Variants in EDIL3 observed in about 807,000 individuals in gnomAD.
EDIL3 encodes EGF-like repeat and discoidin I-like domain-containing protein 3.
In EDIL3, 37 loss-of-function variants were observed where a neutral mutation model predicts 67.4. The observed-to-expected ratio is 0.55, with a 90% CI of 0.42 to 0.72. The LOEUF is 0.72. Among genes scored for constraint, EDIL3 ranks in the 30% least tolerant of loss-of-function variants. The pLI, the probability that EDIL3 is intolerant of heterozygous loss-of-function variation, is 0.00. For synonymous variants in EDIL3, 195 were observed against 196.3 expected (o/e 0.99, Z 0.05); for missense variants, 527 against 586.3 (o/e 0.90, Z 1.04).
intron 4 of EDIL3, among the ~76,000 whole-genome samples, chr5:84,178,110 T>A (rs935575241): frequency 1.3e-5 from 2 of 152,192 alleles, no homozygotes; most frequent in Non-Finnish European, 2.9e-5. Flanking sequence ...TTTGCCTATA[T>A]TTATTATTAT....
chr5:84,217,872 G>A (rs1337143174), intron 3 of EDIL3, among the ~76,000 whole-genome samples: 10 of 151,572 alleles, frequency 6.6e-5, no homozygotes, highest in East Asian at 1.9e-4. Flanking sequence ...TTTAATAACC[G>A]TATTTTTATT....
At chr5:84,283,217 T>TA (rs1745739502) in intron 1 of EDIL3, among the ~76,000 whole-genome samples, 1 of 152,248 alleles carries the variant, frequency 6.6e-6, no homozygotes, top group African/African-American at 2.4e-5. Flanking sequence ...TGCCATCCCA[T>TA]ATTGGTATTT....
intron 9 of EDIL3, among the ~76,000 whole-genome samples, chr5:84,050,874 T>G (rs1580299968): frequency 1.3e-5 from 2 of 152,280 alleles, no homozygotes; most frequent in South Asian, 4.1e-4. Context: ...CTCTGTAGAC[T>G]CCACCTCTGG....
chr5:84,272,081 A>T (rs2112097459), intron 1 of EDIL3, among the ~76,000 whole-genome samples: 1 of 152,336 alleles, frequency 6.6e-6, no homozygotes, highest in South Asian at 2.1e-4. Flanking sequence ...ATATGCAATA[A>T]CAACGCTCAC....
At chr5:84,055,340 A>G (rs1277613508) in intron 9 of EDIL3, among the ~76,000 whole-genome samples, 2 of 146,802 alleles carry the variant, frequency 1.4e-5, no homozygotes, top group African/African-American at 2.7e-5. Context: ...TGTTAGACCT[A>G]AAACCATAAA....
chr5:84,260,465 T>C (rs1745205848), intron 1 of EDIL3, among the ~76,000 whole-genome samples: 1 of 152,206 alleles, frequency 6.6e-6, no homozygotes, highest in African/African-American at 2.4e-5. Context: ...GATTGATAAT[T>C]TAAAGCCCAA....
chr5:84,289,272 CCAATAA>C (rs1745869079), intron 1 of EDIL3, among the ~76,000 whole-genome samples: 1 of 151,958 alleles, frequency 6.6e-6, no homozygotes, highest in African/African-American at 2.4e-5. Flanking sequence ...TTAAACTCAC[CCAATAA>C]CAATAAGAGT....
Position 84,137,166 on chromosome 5 carries a change from T to C in EDIL3, c.469+75A>G, listed in dbSNP as rs954000889. The stretch of plus-strand genomic sequence containing the variant: ...ACATAAAAATATATATGCATACATA[T>C]ATGTGTGTGTGTATACATACACACA... On this transcript the variant is annotated intron_variant, in intron 5 of 10. Coordinates refer to ENST00000296591, the MANE Select transcript of EDIL3 (RefSeq NM_005711.5). The C allele has an allele frequency of 8.9e-6, 9 of 1,009,686 alleles. No homozygotes were observed. In the South Asian group the frequency reaches 1.5e-4, roughly 17 times the overall value. 62.5% of individuals were successfully genotyped at this position (1,009,686 alleles called of 1,614,324 possible). A position where few individuals can be genotyped will look rare whatever the true frequency, so the allele number is the denominator to read the frequency against.
intron 6 of EDIL3, among the ~76,000 whole-genome samples, chr5:84,075,685 G>C (rs914512543): frequency 1.4e-4 from 21 of 152,052 alleles, no homozygotes; most frequent in Non-Finnish European, 2.8e-4. Flanking sequence ...ATGTTGGTCA[G>C]GCTTATCTCA....
chr5:84,084,453 T>C (rs1187022271), intron 6 of EDIL3, among the ~76,000 whole-genome samples: 4 of 152,192 alleles, frequency 2.6e-5, no homozygotes. Flanking sequence ...ACTAGATTCA[T>C]TCATAAAAGA....
chr5:84,250,287 G>A (rs1744997502), intron 2 of EDIL3, among the ~76,000 whole-genome samples: 1 of 152,158 alleles, frequency 6.6e-6, no homozygotes, highest in Non-Finnish European at 1.5e-5. Context: ...GAGTTGTGTA[G>A]GTGTGTGATA....
At chr5:83,972,864 G>A (rs1036348638) in intron 9 of EDIL3, among the ~76,000 whole-genome samples, 2 of 151,920 alleles carry the variant, frequency 1.3e-5, no homozygotes, top group African/African-American at 2.4e-5. Context: ...TTTAAAATGA[G>A]CAGATCTTTA....
At chr5:84,276,991 A>T (rs185424418) in intron 1 of EDIL3, among the ~76,000 whole-genome samples, 1 of 152,292 alleles carries the variant, frequency 6.6e-6, no homozygotes, top group East Asian at 1.9e-4. Context: ...TTTCAAACAT[A>T]TTACGCATAA....
At chr5:84,131,135 A>G (rs1167151650) in intron 5 of EDIL3, among the ~76,000 whole-genome samples, 1 of 152,102 alleles carries the variant, frequency 6.6e-6, no homozygotes, top group Non-Finnish European at 1.5e-5. Flanking sequence ...AATCCTATGT[A>G]TATATATTTA....
chr5:84,195,941 C>T (rs1483542604), intron 3 of EDIL3, among the ~76,000 whole-genome samples: 1 of 151,882 alleles, frequency 6.6e-6, no homozygotes, highest in East Asian at 1.9e-4. Context: ...TACCTAAGCC[C>T]ACCTCTGGGC....
chr5:84,229,943 G>A (rs1744536290), intron 2 of EDIL3, 59 bp from the exon 3 acceptor site: 1 of 1,409,350 alleles, frequency 7.1e-7, no homozygotes, highest in Non-Finnish European at 9.8e-7. Context: ...AGGGAGAAGG[G>A]GGGAGAGAGA....
intron 1 of EDIL3, among the ~76,000 whole-genome samples, chr5:84,321,242 T>C (rs1031756619): frequency 2.6e-5 from 4 of 152,198 alleles, no homozygotes; most frequent in African/African-American, 9.6e-5. Flanking sequence ...TCTCAGCTTC[T>C]GTTATTTTGA....
chr5:83,988,421 G>A (rs904269594), intron 9 of EDIL3, among the ~76,000 whole-genome samples: 2 of 152,118 alleles, frequency 1.3e-5, no homozygotes, highest in African/African-American at 4.8e-5. Context: ...ATAAGTGCTA[G>A]AGGAAAACAG....
At chr5:84,014,054 A>C (rs775185903) in intron 9 of EDIL3, among the ~76,000 whole-genome samples, 6 of 152,190 alleles carry the variant, frequency 3.9e-5, no homozygotes, top group Non-Finnish European at 8.8e-5. Context: ...CAATTGGACC[A>C]GTTCTATAAA....
Sources: allele counts gnomAD v4.1 joint callset (sites outside exome capture counted in the v4.1 genomes callset), GRCh38; gene constraint gnomAD v4.1.1; transcripts MANE v1.5; gene names NCBI Gene and HGNC (gene_info 2026-07-23, HGNC 2026-07-21).